The following CHIA variants were observed in gnomAD, a reference collection of about 807,000 sequenced individuals.
The protein encoded by CHIA is acidic mammalian chitinase.
A neutral mutation model predicts 53.5 loss-of-function variants in CHIA; 47 were observed. That is an observed-to-expected ratio of 0.88 (90% confidence interval 0.70 to 1.12). The LOEUF is 1.12. Ranked by LOEUF, CHIA falls within the 50% of genes most tolerant of loss-of-function variation. The pLI, the probability that CHIA is intolerant of heterozygous loss-of-function variation, is 0.00. For synonymous variants in CHIA, 268 were observed against 222.2 expected (o/e 1.21, Z -1.83); for missense variants, 652 against 592.2 (o/e 1.10, Z -1.05).
chr1:111,309,376 C>T (rs190349280), intron 1 of CHIA, among the ~76,000 whole-genome samples: 1 of 152,302 alleles, frequency 6.6e-6, no homozygotes, highest in Admixed American at 6.5e-5. Context: ...CCCATATTCC[C>T]GCCAACTGCA....
Position 111,318,231 on chromosome 1 carries a change from A to G in CHIA, c.729+122A>G, listed in dbSNP as rs2820090. On this transcript the variant is annotated intron_variant, in intron 8 of 11. Coordinates refer to ENST00000369740, the MANE Select transcript of CHIA (RefSeq NM_201653.4). ...TCAAATGGGAAATTAGGCTGCCATA[A>G]TTAATTAAATATTCTCATTTAATTT... The G allele has an allele frequency of 3.8e-3, 4,174 of 1,099,382 alleles. 107 individuals carry two copies. In the African/African-American group the frequency reaches 0.052, roughly 14 times the overall value. The allele number at this position is 1,099,382 out of a possible 1,614,324, so 68.1% of individuals were successfully genotyped here.
intron 1 of CHIA, among the ~76,000 whole-genome samples, chr1:111,297,614 C>T (rs1327722435): frequency 6.6e-6 from 1 of 152,120 alleles, no homozygotes; most frequent in Non-Finnish European, 1.5e-5. Context: ...CCAGCCACTA[C>T]AAAAACATGC....
At chr1:111,312,735 T>C (rs1571293574) in intron 4 of CHIA, among the ~76,000 whole-genome samples, 1 of 152,302 alleles carries the variant, frequency 6.6e-6, no homozygotes, top group South Asian at 2.1e-4. Context: ...ACAATAGACC[T>C]CTGCAACTTA....
intron 1 of CHIA, among the ~76,000 whole-genome samples, chr1:111,293,797 G>A (rs1226360197): frequency 6.6e-6 from 1 of 152,094 alleles, no homozygotes; most frequent in African/African-American, 2.4e-5. Context: ...AACATCAATG[G>A]GGCCAGATGT....
At chr1:111,300,800 C>T (rs189123719) in intron 1 of CHIA, among the ~76,000 whole-genome samples, 121 of 152,242 alleles carry the variant, frequency 7.9e-4, no homozygotes, top group Non-Finnish European at 5.1e-4. Context: ...GGGCAACCTA[C>T]AGAATGGGAG....
intron 9 of CHIA, 55 bp from the exon 10 acceptor site, chr1:111,319,065 T>C (rs751905455): frequency 6.1e-5 from 96 of 1,566,912 alleles, no homozygotes; most frequent in Non-Finnish European, 7.8e-5. Flanking sequence ...TTGAAACATG[T>C]TTTTCTTTAA....
chr1:111,291,954 C>T (rs1014675719), intron 1 of CHIA, among the ~76,000 whole-genome samples: 4 of 151,774 alleles, frequency 2.6e-5, no homozygotes, highest in African/African-American at 9.7e-5. Context: ...ATGTAAGAAA[C>T]CTGCACGTCC....
chr1:111,319,035 A>G (rs1475542789), intron 9 of CHIA, 85 bp from the exon 10 acceptor site: 6 of 1,506,868 alleles, frequency 4.0e-6, no homozygotes, highest in Admixed American at 2.2e-5. Context: ...CCCCAACTGG[A>G]GACATGAAAG....
intron 6 of CHIA, chr1:111,316,038 A>C (rs1007545998): frequency 2.2e-5 from 7 of 317,288 alleles, no homozygotes; most frequent in African/African-American, 1.5e-4. Context: ...AGTAACAAGG[A>C]AAGAGGGTAA....
intron 4 of CHIA, among the ~76,000 whole-genome samples, 186 bp downstream of exon 4, chr1:111,312,577 T>C (rs376426347): frequency 1.3e-5 from 2 of 152,232 alleles, no homozygotes; most frequent in South Asian, 4.1e-4. Context: ...TTTTGAAATA[T>C]GTATACGGTG....
chr1:111,319,582 C>A, intron 11 of CHIA, 114 bp downstream of exon 11: 1 of 961,968 alleles, frequency 1.0e-6, no homozygotes, highest in South Asian at 1.6e-5. Context: ...TCCACTTCAC[C>A]TCACCGCTCT....
At chr1:111,302,531 T>C (rs1647843222) in intron 1 of CHIA, among the ~76,000 whole-genome samples, 1 of 152,216 alleles carries the variant, frequency 6.6e-6, no homozygotes, top group South Asian at 2.1e-4. Flanking sequence ...GTGTGTTGTT[T>C]AGTTTCCACA....
chr1:111,316,438 G>A (rs777541021), intron 6 of CHIA: 1 of 152,404 alleles, frequency 6.6e-6, no homozygotes, highest in African/African-American at 2.4e-5. Context: ...AACACTGAGG[G>A]AAGAAGAGGA....
At chr1:111,295,142 G>C (rs1450744123) in intron 1 of CHIA, among the ~76,000 whole-genome samples, 1 of 152,154 alleles carries the variant, frequency 6.6e-6, no homozygotes. Flanking sequence ...AACCTCTCAA[G>C]TCATCTGGTC....
In CHIA at chr1:111,317,730, G is replaced by C. The variant is rs569441017; in HGVS notation, c.530G>C (p.Arg177Thr). Residue 177 changes from arginine to threonine, a missense_variant, in exon 7 of 12, where the codon AGG becomes ACG. Transcript: ENST00000369740. ...EQEAKQINKP[R>T]LMVTAAVAAG... ...GAGGCCAAGCAGATCAACAAGCCCA[G>C]GCTGATGGTCACTGCTGCAGTAGCT... 5 of 1,614,024 alleles carry C rather than the reference G, an allele frequency of 3.1e-6. No individual in the cohort carries two copies. In the African/African-American group the frequency reaches 6.7e-5, roughly 22 times the overall value.
At chr1:111,306,856 A>T (rs1405302564) in intron 1 of CHIA, among the ~76,000 whole-genome samples, 1 of 152,240 alleles carries the variant, frequency 6.6e-6, no homozygotes, top group Non-Finnish European at 1.5e-5. Context: ...GCTCAACCAC[A>T]TCAGTAATTT....
chr1:111,293,618 TTTG>T (rs1661160268), intron 1 of CHIA, among the ~76,000 whole-genome samples: 1 of 152,274 alleles, frequency 6.6e-6, no homozygotes, highest in Non-Finnish European at 1.5e-5. Flanking sequence ...ATTGTATTCT[TTTG>T]TTGTCTGTGA....
chr1:111,318,622 G>A lies in CHIA; in HGVS notation c.859G>A (p.Gly287Ser). Residue 287 changes from glycine (G) to serine (S), a missense_variant, in exon 9 of 12, where the codon GGT (glycine) becomes AGT (serine). Transcript: ENST00000369740. ...SNTGIGAPTS[G>S]AGPAGPYAKE... is the part of the protein sequence containing the mutation. ...CACTGGAATTGGTGCCCCCACCTCTGGTGCTGGTCCTGCTGGGCCCTATGC... is the reference window on the plus strand; with the variant it reads ...CACTGGAATTGGTGCCCCCACCTCTAGTGCTGGTCCTGCTGGGCCCTATGC... 1 of 1,614,194 alleles carries A rather than the reference G, an allele frequency of 6.2e-7. No homozygotes were observed. Among genetic ancestry groups the A allele is most frequent in the East Asian group, 2.2e-5 (1 of 44,874 alleles).
rs150421495 is a variant in CHIA, at chr1:111,320,253, T to C, written c.1218T>C (p.Ala406=). The C allele has an allele frequency of 2.1e-5, 34 of 1,613,856 alleles. No individual in the cohort carries two copies. In the African/African-American group the frequency reaches 4.0e-4, roughly 19 times the overall value. ...APAQPIEPIT[A]APSGSGNGSG... is the part of the protein sequence containing the mutation. ...CTCAGCCCATTGAGCCAATAACTGC[T>C]GCTCCCAGTGGCAGCGGGAACGGGA... is the stretch of plus-strand genomic sequence containing the variant. The change falls in exon 12 of 12, where the codon GCT becomes GCC. Residue 406 remains alanine, a synonymous_variant. Transcript: ENST00000369740.
Sources: gnomAD v4.1 joint callset for allele counts (sites outside exome capture counted in the v4.1 genomes callset) on GRCh38, gnomAD v4.1.1 for gene constraint, MANE v1.5 for transcripts, NCBI Gene and HGNC (gene_info 2026-07-23, HGNC 2026-07-21) for gene names.